TADA3: variants seen among roughly 807,000 people sequenced by gnomAD.
The protein encoded by TADA3 is transcriptional adaptor 3, also known as transcriptional adapter 3.
Under a neutral mutation model 43.2 loss-of-function variants are expected in TADA3, and 25 were observed. The ratio of observed to expected loss-of-function variants is 0.58; its 90% CI spans 0.42 to 0.81. The LOEUF (loss-of-function observed/expected upper bound fraction) is 0.81, where lower values mean the gene tolerates loss of function less well. TADA3 is among the 30% of genes least tolerant of loss of function. TADA3 has a pLI of 0.00. For missense variants in TADA3, 441 were observed against 567.8 expected (o/e 0.78, Z 2.27); for synonymous variants, 235 against 225.5 (o/e 1.04, Z -0.38).
At chr3:9,780,936 C>T (rs1466190696) in intron 8 of TADA3, among the ~76,000 whole-genome samples, 4 of 151,984 alleles carry the variant, frequency 2.6e-5, no homozygotes, top group African/African-American at 4.8e-5. Flanking sequence ...CCCAGGAGTT[C>T]GAGACCAGTC....
chr3:9,792,666 C>G (rs2078768064), upstream of TADA3: 1 of 1,230,818 alleles, frequency 8.1e-7, no homozygotes, highest in Non-Finnish European at 1.0e-6. Flanking sequence ...GCCGAGATCT[C>G]CGCGCTGCAG....
rs2078723222 is a variant in TADA3, at chr3:9,791,200, A to AC, written c.207+59dup. On this transcript the variant is annotated intron_variant, in intron 2 of 8. Transcript: ENST00000301964. ...CTCAGCATATGGGGCTAACTCAATG[A>AC]CCCATCCCATAACTTGTTGCAGTCC... The AC allele has an allele frequency of 7.8e-6, 12 of 1,530,862 alleles. No homozygotes were observed. In the South Asian group the frequency reaches 1.5e-4, roughly 19 times the overall value. The allele number at this position is 1,530,862 out of a possible 1,614,324, so 94.8% of individuals were successfully genotyped here.
chr3:9,781,761 C>T (rs969960381), intron 8 of TADA3, among the ~76,000 whole-genome samples: 1 of 151,770 alleles, frequency 6.6e-6, no homozygotes, highest in Non-Finnish European at 1.5e-5. Context: ...CTTGCAGCTG[C>T]TCTGCAGCAG....
chr3:9,786,811 G>C (rs2078624834), intron 6 of TADA3, among the ~76,000 whole-genome samples, 195 bp downstream of exon 6: 1 of 152,170 alleles, frequency 6.6e-6, no homozygotes, highest in African/African-American at 2.4e-5. Flanking sequence ...TTTATGATCT[G>C]TGCACTTTTC....
In TADA3 at chr3:9,787,607, G is replaced by T. The variant is rs180881101; in HGVS notation, c.565-267C>A. 705 of 1,154,724 alleles carry T rather than the reference G, an allele frequency of 6.1e-4. 5 individuals are homozygous for T. The Admixed American group carries it at 9.3e-3, about 15-fold the overall frequency. The allele number at this position is 1,154,724 out of a possible 1,614,324, so 71.5% of individuals were successfully genotyped here. ...ATAGAAGGTGCAGAATACGTACACA[G>T]ATTGTCTCAGGTCACAGCAATTGCC... On this transcript the variant is annotated intron_variant, in intron 4 of 8. Transcript: ENST00000301964.
chr3:9,792,432 G>C lies in TADA3; in HGVS notation c.-244C>G. 9.2e-7 allele frequency: 1 copy of C among 1,091,292 alleles called. No homozygotes were observed. Among genetic ancestry groups the C allele is most frequent in the African/African-American group, 1.6e-5 (1 of 61,132 alleles). 67.6% of individuals were successfully genotyped at this position (1,091,292 alleles called of 1,614,324 possible). ...CTACGGCCCCAGGGGCCGCGGGAGG[G>C]GGCGGGGAGTTCCGGTCGATGTGAG... On this transcript the variant is annotated 5_prime_UTR_variant, in exon 1 of 9. Transcript: ENST00000301964.
chr3:9,792,678 T>G (rs922445703), upstream of TADA3: 3 of 1,233,160 alleles, frequency 2.4e-6, no homozygotes, highest in Middle Eastern at 3.1e-4. Context: ...GCGCTGCAGT[T>G]AGCCCCGCCG....
chr3:9,787,442 G>T, intron 4 of TADA3, 102 bp from the exon 5 acceptor site: 1 of 1,463,616 alleles, frequency 6.8e-7, no homozygotes, highest in Non-Finnish European at 9.1e-7. Context: ...CAAGTCCCTA[G>T]TCCAAGGCCA....
chr3:9,780,935 T>TC (rs1372548258), intron 8 of TADA3, among the ~76,000 whole-genome samples: 1 of 152,130 alleles, frequency 6.6e-6, no homozygotes, highest in Admixed American at 6.5e-5. Context: ...GCCCAGGAGT[T>TC]CGAGACCAGT....
At chr3:9,788,097 G>T (rs944267540) in intron 4 of TADA3, 3 of 224,408 alleles carry the variant, frequency 1.3e-5, no homozygotes, top group Non-Finnish European at 1.8e-5. Context: ...ACGGGAGGAA[G>T]AAAGGCCTGG....
rs2078762063 is a variant in TADA3 at position 9,792,444 on chromosome 3, C to T, written c.-256G>A. The stretch of plus-strand genomic sequence containing the variant: ...GGGCCGCGGGAGGGGGCGGGGAGTT[C>T]CGGTCGATGTGAGCAACCGCCCCGG... On this transcript the variant is annotated 5_prime_UTR_variant, in exon 1 of 9. Transcript: ENST00000301964. 1.8e-6 allele frequency: 2 copies of T among 1,131,040 alleles called. No individual in the cohort carries two copies. Among genetic ancestry groups the T allele is most frequent in the African/African-American group, 3.2e-5 (2 of 61,886 alleles). 70.1% of individuals were successfully genotyped at this position (1,131,040 alleles called of 1,614,324 possible). A position where few individuals can be genotyped will look rare whatever the true frequency, so the allele number is the denominator to read the frequency against.
chr3:9,784,153 A>T lies in TADA3; in HGVS notation c.981T>A (p.Leu327=). ...RIKEELIAQG[L]LESEDRPAED... ...CTGCGGGGCGGTCCTCAGACTCCAA[A>T]AGGCCCTGGGCAATTAGCTCCTCCT... Residue 327 remains leucine, a synonymous_variant, in exon 8 of 9, where the codon CTT becomes CTA. Transcript: ENST00000301964. 6.2e-7 allele frequency: 1 copy of T among 1,614,130 alleles called. No homozygotes were observed. Among genetic ancestry groups the T allele is most frequent in the East Asian group, 2.2e-5 (1 of 44,884 alleles).
upstream of TADA3, chr3:9,792,722 A>T: frequency 8.1e-7 from 1 of 1,234,254 alleles, no homozygotes; most frequent in Non-Finnish European, 1.0e-6. Flanking sequence ...GGGGCGAGAG[A>T]AAGGATGGGG....
intron 6 of TADA3, among the ~76,000 whole-genome samples, chr3:9,785,762 C>T (rs922059193): frequency 2.0e-5 from 3 of 152,236 alleles, no homozygotes; most frequent in Non-Finnish European, 2.9e-5. Flanking sequence ...GAATGCCATA[C>T]TCTTCTTTCC....
Position 9,784,204 on chromosome 3 carries a change from A to G in TADA3, c.930T>C (p.His310=), listed in dbSNP as rs529290208. 6.2e-6 allele frequency: 10 copies of G among 1,611,382 alleles called. No homozygotes were observed. Among genetic ancestry groups the G allele is most frequent in the Admixed American group, 1.7e-5 (1 of 59,970 alleles). ...TGATGCGGCTCTCCAGGGACTTAGTATGCGGCACACTGCAGCGGGAGGCAG... is the reference window on the plus strand; with the variant it reads ...TGATGCGGCTCTCCAGGGACTTAGTGTGCGGCACACTGCAGCGGGAGGCAG... ...RNQNKPFSVP[H]TKSLESRIKE... is the part of the protein sequence containing the mutation. Residue 310 remains histidine (H), a synonymous_variant, in exon 8 of 9, where the codon CAT becomes CAC. Coordinates refer to ENST00000301964, the MANE Select transcript of TADA3 (RefSeq NM_006354.5).
In TADA3 at chr3:9,786,893, C is replaced by T. The variant is rs73113561; in HGVS notation, c.810+113G>A. 1,131 of 970,084 alleles carry T rather than the reference C, an allele frequency of 1.2e-3. 6 individuals are homozygous for T. In the African/African-American group the frequency reaches 0.016, roughly 13 times the overall value. 60.1% of individuals were successfully genotyped at this position (970,084 alleles called of 1,614,324 possible). A position where few individuals can be genotyped will look rare whatever the true frequency, so the allele number is the denominator to read the frequency against. On this transcript the variant is annotated intron_variant, in intron 6 of 8. Transcript: ENST00000301964. ...TTAGTCCAGGTTTTTACTTTTGCAC[C>T]AACCTATTTTTGCACCAACCTAATA...
chr3:9,787,191 A>T lies in TADA3; in HGVS notation c.706+8T>A. ...GACCTGGGGTTGGCAGGGAGGTGAG[A>T]GGCCTACCTTTAGTGTCCAGTTCGG... On this transcript the variant is annotated splice_region_variant and intron_variant, in intron 5 of 8. Coordinates refer to ENST00000301964, the MANE Select transcript of TADA3 (RefSeq NM_006354.5). 6.2e-7 allele frequency: 1 copy of T among 1,614,164 alleles called. No individual in the cohort carries two copies. Among genetic ancestry groups the T allele is most frequent in the Non-Finnish European group, 8.5e-7 (1 of 1,180,026 alleles).
In TADA3 at chr3:9,783,974, G is replaced by A. The variant is rs17050567; in HGVS notation, c.1106+54C>T. On this transcript the variant is annotated intron_variant, in intron 8 of 8. Coordinates refer to ENST00000301964, the MANE Select transcript of TADA3 (RefSeq NM_006354.5). ...TAAAACCCCTGAAAGGTGACTAGCC[G>A]TGGCCACAGCCTCCAAGGCCACCCC... is the stretch of plus-strand genomic sequence containing the variant. The A allele has an allele frequency of 3.8e-3, 5,930 of 1,560,546 alleles. 158 individuals are homozygous for A. The African/African-American group carries it at 0.069, about 18-fold the overall frequency.
At chr3:9,782,716 G>A (rs759073239) in intron 8 of TADA3, among the ~76,000 whole-genome samples, 4 of 151,824 alleles carry the variant, frequency 2.6e-5, no homozygotes, top group East Asian at 1.9e-4. Flanking sequence ...GCCTGAACCC[G>A]GGAGGCGGAG....
Sources: gnomAD v4.1 joint callset for allele counts (sites outside exome capture counted in the v4.1 genomes callset) on GRCh38, gnomAD v4.1.1 for gene constraint, MANE v1.5 for transcripts, NCBI Gene and HGNC (gene_info 2026-07-23, HGNC 2026-07-21) for gene names.